The following DDB1 variants were observed in gnomAD, a reference collection of about 807,000 sequenced individuals.
DDB1 encodes the protein damage specific DNA binding protein 1, also known as DNA damage-binding protein 1.
Under a neutral mutation model 133.1 loss-of-function variants are expected in DDB1, and 18 were observed. The observed-to-expected ratio is 0.14, with a 90% confidence interval of 0.09 to 0.20. DDB1 has a LOEUF of 0.20. DDB1 is among the 10% of genes least tolerant of loss of function. DDB1 has a pLI of 1.00. For synonymous variants in DDB1, 580 were observed against 550.5 expected, an observed-to-expected ratio of 1.05 and a Z score of -0.75; for missense variants, 828 against 1,459.2, an observed-to-expected ratio of 0.57 and a Z score of 7.05.
At chr11:61,330,323 C>T in intron 2 of DDB1, 1 of 322,906 alleles carries the variant, frequency 3.1e-6, no homozygotes, top group Non-Finnish European at 5.6e-6. Context: ...GTTCTACAAA[C>T]AAAGTCTTCA....
chr11:61,321,699 T>G lies in DDB1; in HGVS notation c.1123-2A>C. On this transcript the variant is annotated splice_acceptor_variant, in intron 9 of 26. Transcript: ENST00000301764. LOFTEE classifies it high-confidence loss of function. ...GAAAGCCCCAGAGCAAGTGACCAGC[T>G]GCAAGCAGAGAAAACGTTTCTAAAG... The G allele has an allele frequency of 6.2e-7, 1 of 1,614,142 alleles. No individual in the cohort carries two copies. The highest frequency in any genetic ancestry group is 8.5e-7 in the Non-Finnish European group (1 of 1,179,966).
intron 10 of DDB1, among the ~76,000 whole-genome samples, chr11:61,318,423 T>C (rs1457945119): frequency 6.6e-6 from 1 of 152,154 alleles, no homozygotes; most frequent in Non-Finnish European, 1.5e-5. Flanking sequence ...GTTTATTTTC[T>C]CACAGCCCGA....
chr11:61,322,086 T>C (rs1009969968), intron 9 of DDB1: 5 of 584,316 alleles, frequency 8.6e-6, no homozygotes, highest in Non-Finnish European at 1.5e-5. Context: ...CTATCTAGGG[T>C]ACTTGTGTAA....
At position 61,329,527 on chromosome 11, in the gene DDB1, G is replaced by C; in HGVS notation, c.385C>G (p.Arg129Gly). The change falls in exon 4 of 27, where the codon CGG (arginine) becomes GGG (glycine). Residue 129 changes from arginine (R) to glycine (G), a missense_variant. Around this residue, in one of 7 missense-constraint regions of DDB1, gnomAD observed 210 missense variants for 344.8 expected, o/e 0.61. Coordinates refer to ENST00000301764, the MANE Select transcript of DDB1 (RefSeq NM_001923.5). ...TCATAGAGACGCAGGCCAATCATCC[G>C]GCACTCAGGGTCAATGATGCCAATA... ...GIIGIIDPEC[R>G]MIGLRLYDGL... 1 of 1,614,164 alleles carries C rather than the reference G, an allele frequency of 6.2e-7. No individual in the cohort carries two copies. The highest frequency in any genetic ancestry group is 8.5e-7 in the Non-Finnish European group (1 of 1,180,032).
Position 61,332,955 on chromosome 11 carries a change from T to C in DDB1, c.14A>G (p.Tyr5Cys). MSYN[Y>C]VVTAQKPTAV... ...GGTGGGCTTCTGGGCCGTTACCACG[T>C]AGTTGTACGACATGTCGAGGCTTGG... The change falls in exon 1 of 27, where the codon TAC (tyrosine) becomes TGC (cysteine). Residue 5 changes from tyrosine to cysteine, a missense_variant. Physicochemically the swap from Tyr to Cys is radical, Grantham distance 194. Coordinates refer to ENST00000301764, the MANE Select transcript of DDB1 (RefSeq NM_001923.5). The C allele has an allele frequency of 6.6e-7, 1 of 1,516,154 alleles. No homozygotes were observed. Among genetic ancestry groups the C allele is most frequent in the South Asian group, 1.2e-5 (1 of 81,630 alleles). The allele number at this position is 1,516,154 out of a possible 1,614,324, so 93.9% of individuals were successfully genotyped here. A position where few individuals can be genotyped will look rare whatever the true frequency, so the allele number is the denominator to read the frequency against.
At chr11:61,300,787 G>A in intron 26 of DDB1, 22 bp downstream of exon 26, 1 of 1,613,940 alleles carries the variant, frequency 6.2e-7, no homozygotes, top group Non-Finnish European at 8.5e-7. Context: ...TCTGGCCCAG[G>A]GTTAAACACC....
chr11:61,313,016 T>G (rs1436693130), intron 16 of DDB1, among the ~76,000 whole-genome samples: 1 of 152,208 alleles, frequency 6.6e-6, no homozygotes, highest in Non-Finnish European at 1.5e-5. Flanking sequence ...TTTCACCATG[T>G]TGGCCAGGCT....
intron 1 of DDB1, 171 bp from the exon 2 acceptor site, chr11:61,331,862 C>A: frequency 1.2e-6 from 1 of 813,078 alleles, no homozygotes. Context: ...CTCAAAGAGT[C>A]TCAGTTCATG....
intron 10 of DDB1, among the ~76,000 whole-genome samples, chr11:61,319,198 C>G (rs765780319): frequency 6.6e-6 from 1 of 152,030 alleles, no homozygotes; most frequent in East Asian, 1.9e-4. Context: ...AGAGTGAGAC[C>G]CTATCTCAAA....
intron 9 of DDB1, 68 bp downstream of exon 9, chr11:61,322,228 A>T (rs753889278): frequency 1.3e-5 from 16 of 1,241,500 alleles, no homozygotes; most frequent in Non-Finnish European, 1.9e-5. Flanking sequence ...CATTCTAGAT[A>T]AGCATAGCTA....
chr11:61,319,556 C>T (rs58860971), intron 10 of DDB1, among the ~76,000 whole-genome samples: 6 of 152,080 alleles, frequency 3.9e-5, no homozygotes, highest in African/African-American at 9.7e-5. Flanking sequence ...CTCAGCCTCC[C>T]GAGTAGCTGG....
At chr11:61,308,885 G>T in intron 21 of DDB1, 98 bp downstream of exon 21, 1 of 1,186,410 alleles carries the variant, frequency 8.4e-7, no homozygotes, top group Non-Finnish European at 1.3e-6. Context: ...TTCTCCTTCA[G>T]ATCTGACACA....
In DDB1 at chr11:61,300,166, C is replaced by T. The variant is rs375160067; in HGVS notation, c.3393G>A (p.Lys1131=). Residue 1131 remains lysine (K), a synonymous_variant, in exon 27 of 27, where the codon AAG becomes AAA. Transcript: ENST00000301764. ...KREATADDLI[K]VVEELTRIH ...GGATCCGAGTTAGCTCCTCCACAAC[C>T]TTGATGAGGTCGTCTGCAGTGGCCT... 3.1e-6 allele frequency: 5 copies of T among 1,614,090 alleles called. No homozygotes were observed. In the African/African-American group the frequency reaches 5.3e-5, roughly 17 times the overall value.
Position 61,332,838 on chromosome 11 carries a change from C to T in DDB1, c.61+70G>A, listed in dbSNP as rs1266051369. On this transcript the variant is annotated intron_variant, in intron 1 of 26. Coordinates refer to ENST00000301764, the MANE Select transcript of DDB1 (RefSeq NM_001923.5). ...TCCTGCCCGGCCGCCCCCGGGGCGG[C>T]GGGCCTCCCTAGGCCGCGGCTCCCC... 2.0e-5 allele frequency: 26 copies of T among 1,322,978 alleles called. 1 individual carries two copies. The Admixed American group carries it at 9.6e-4, about 49-fold the overall frequency. The allele number at this position is 1,322,978 out of a possible 1,614,324, so 82.0% of individuals were successfully genotyped here.
At chr11:61,303,204 G>A (rs762588551) in intron 22 of DDB1, 49 bp from the exon 23 acceptor site, 65 of 1,549,924 alleles carry the variant, frequency 4.2e-5, no homozygotes, top group Admixed American at 2.8e-4. Flanking sequence ...CAGTTTGCAC[G>A]GAATCCAGTT....
rs759759255 is a variant in DDB1, at chr11:61,309,816, A to G, written c.2546T>C (p.Val849Ala). 1 of 1,613,722 alleles carries G rather than the reference A, an allele frequency of 6.2e-7. No homozygotes were observed. The highest frequency in any genetic ancestry group is 8.5e-7 in the Non-Finnish European group (1 of 1,179,850). The change falls in exon 20 of 27, where the codon GTG (valine) becomes GCG (alanine). Residue 849 changes from valine to alanine, a missense_variant. Val to Ala is a moderately conservative substitution (Grantham distance 64, BLOSUM62 0). Coordinates refer to ENST00000301764, the MANE Select transcript of DDB1 (RefSeq NM_001923.5). ...EEAEPKQGRI[V>A]VFQYSDGKLQ... ...CTTACCATCCGAATACTGAAAGACC[A>G]CAATGCGACCCTGCTTGGGCTCTGC...
In DDB1 at chr11:61,313,576, G is replaced by A; in HGVS notation, c.1992C>T (p.His664=). The A allele has an allele frequency of 6.2e-7, 1 of 1,614,208 alleles. No homozygotes were observed. Among genetic ancestry groups the A allele is most frequent in the Non-Finnish European group, 8.5e-7 (1 of 1,180,034 alleles). ...DRPTVIYSSN[H]KLVFSNVNLK... ...GGTTGACATTTGAGAAGACCAATTT[G>A]TGGTTGCTGCTATAGATGACAGTGG... The change falls in exon 16 of 27, where the codon CAC becomes CAT. Residue 664 remains histidine, a synonymous_variant. Transcript: ENST00000301764.
chr11:61,324,010 A>C lies in DDB1; in HGVS notation c.890T>G (p.Leu297Arg). Residue 297 changes from leucine (L) to arginine (R), a missense_variant, in exon 7 of 27, where the codon CTC becomes CGC. Coordinates refer to ENST00000301764, the MANE Select transcript of DDB1 (RefSeq NM_001923.5). ...AAGGAGTTCTACACGGAGATCCTTG[A>C]GAGTGACGGTGCCATCCATCTGTTC... ...KEEQMDGTVTLKDLRVELLGE... is the reference protein window; with the variant it reads ...KEEQMDGTVTRKDLRVELLGE... 6.2e-7 allele frequency: 1 copy of C among 1,613,636 alleles called. No individual in the cohort carries two copies. Among genetic ancestry groups the C allele is most frequent in the African/African-American group, 1.3e-5 (1 of 74,838 alleles).
chr11:61,325,044 A>G (rs1299166635), intron 6 of DDB1, among the ~76,000 whole-genome samples: 25 of 152,166 alleles, frequency 1.6e-4, no homozygotes, highest in Admixed American at 1.6e-3. Context: ...GCTACTAAGG[A>G]GGCTGAGGCA....
Sources: gnomAD v4.1 joint callset for allele counts (sites outside exome capture counted in the v4.1 genomes callset) on GRCh38, gnomAD v4.1.1 for gene constraint, gnomAD v4.1.1 regional missense constraint, MANE v1.5 for transcripts, NCBI Gene and HGNC (gene_info 2026-07-23, HGNC 2026-07-21) for gene names.